The following LIN9 variants were observed in gnomAD, a reference collection of about 807,000 sequenced individuals.
The protein encoded by LIN9 is protein lin-9 homolog.
Under a neutral mutation model 78.0 loss-of-function variants are expected in LIN9, and 18 were observed. The ratio of observed to expected loss-of-function variants is 0.23; its 90% CI spans 0.16 to 0.34. The LOEUF (loss-of-function observed/expected upper bound fraction) is 0.34. Among genes scored for constraint, LIN9 ranks in the 10% least tolerant of loss-of-function variants. The pLI is 1.00. For missense variants in LIN9, 451 were observed against 644.1 expected (o/e 0.70, Z 3.25); for synonymous variants, 192 against 215.2 (o/e 0.89, Z 0.94).
rs906488349 is a variant in LIN9, at chr1:226,308,982, G to A, written c.31+127C>T. On this transcript the variant is annotated intron_variant, in intron 1 of 14. Transcript: ENST00000681046. ...GCAACACCGGAGTGGGAGGACTAGG[G>A]GACCACAGTGGGGCTGGCAGTCAGC... 1.8e-5 allele frequency: 17 copies of A among 919,908 alleles called. No individual in the cohort carries two copies. In the African/African-American group the frequency reaches 2.8e-4, roughly 15 times the overall value. The allele number at this position is 919,908 out of a possible 1,614,324, so 57.0% of individuals were successfully genotyped here.
intron 10 of LIN9, among the ~76,000 whole-genome samples, chr1:226,254,808 G>A (rs552198669): frequency 2.5e-4 from 38 of 151,814 alleles, no homozygotes; most frequent in African/African-American, 8.5e-4. Context: ...CTACTCGGGA[G>A]GCTGAGGCAG....
intron 3 of LIN9, among the ~76,000 whole-genome samples, chr1:226,296,677 G>A (rs1324209894): frequency 2.0e-5 from 3 of 152,074 alleles, no homozygotes; most frequent in Admixed American, 6.6e-5. Context: ...AGGTGCAGGC[G>A]GCTAACAACA....
chr1:226,266,159 A>C, intron 9 of LIN9, 54 bp downstream of exon 9: 1 of 1,287,272 alleles, frequency 7.8e-7, no homozygotes. Flanking sequence ...TTAAGAACAT[A>C]GTTCACCTTC....
intron 2 of LIN9, among the ~76,000 whole-genome samples, chr1:226,299,050 GA>G (rs1382864723): frequency 2.0e-5 from 3 of 152,152 alleles, no homozygotes; most frequent in Non-Finnish European, 2.9e-5. Context: ...TGAAAATAAA[GA>G]GGGGTAAGTT....
At chr1:226,263,100 A>T (rs1659696832) in intron 10 of LIN9, among the ~76,000 whole-genome samples, 1 of 152,244 alleles carries the variant, frequency 6.6e-6, no homozygotes. Flanking sequence ...CTATGGAAAC[A>T]GTAAAAAGAT....
chr1:226,268,142 A>G (rs1660048542), intron 7 of LIN9, 52 bp from the exon 8 acceptor site: 1 of 1,567,882 alleles, frequency 6.4e-7, no homozygotes, highest in African/African-American at 1.3e-5. Flanking sequence ...AAGAATAGTC[A>G]AATATAAAAC....
At chr1:226,268,237 G>T in intron 7 of LIN9, 147 bp from the exon 8 acceptor site, 5 of 628,280 alleles carry the variant, frequency 8.0e-6, no homozygotes, top group Non-Finnish European at 1.2e-5. Flanking sequence ...TTTTGGCTTA[G>T]AGAAACAACA....
chr1:226,296,808 C>T (rs938687434), intron 3 of LIN9, among the ~76,000 whole-genome samples: 5 of 151,902 alleles, frequency 3.3e-5, no homozygotes, highest in African/African-American at 9.7e-5. Flanking sequence ...ATCACTTGAG[C>T]CCAGGAGCTG....
intron 4 of LIN9, among the ~76,000 whole-genome samples, chr1:226,293,878 T>C (rs911932763): frequency 6.6e-6 from 1 of 152,270 alleles, no homozygotes; most frequent in African/African-American, 2.4e-5. Context: ...TGACAACTTT[T>C]TTTTTTGAAG....
At chr1:226,258,258 T>A (rs894182035) in intron 10 of LIN9, among the ~76,000 whole-genome samples, 2 of 151,956 alleles carry the variant, frequency 1.3e-5, no homozygotes, top group Non-Finnish European at 2.9e-5. Context: ...TCCAGCACTT[T>A]GGGAGGCTGA....
chr1:226,257,366 T>C (rs1390469671), intron 10 of LIN9, among the ~76,000 whole-genome samples: 2 of 152,282 alleles, frequency 1.3e-5, no homozygotes, highest in African/African-American at 4.8e-5. Flanking sequence ...TACAAACTTT[T>C]ATTTTCCTTA....
At chr1:226,275,903 C>T (rs1286231168) in intron 7 of LIN9, among the ~76,000 whole-genome samples, 1 of 151,750 alleles carries the variant, frequency 6.6e-6, no homozygotes, top group African/African-American at 2.4e-5. Context: ...TGGCGGGTGC[C>T]GGTAATCCCA....
At chr1:226,252,475 A>C (rs1235600280) in intron 10 of LIN9, among the ~76,000 whole-genome samples, 1 of 152,164 alleles carries the variant, frequency 6.6e-6, no homozygotes, top group Non-Finnish European at 1.5e-5. Flanking sequence ...ATGTTAAATA[A>C]TCCCACAAGG....
chr1:226,293,014 A>G (rs989452208), intron 4 of LIN9, among the ~76,000 whole-genome samples: 2 of 152,230 alleles, frequency 1.3e-5, no homozygotes, highest in African/African-American at 2.4e-5. Flanking sequence ...GACTCAACAC[A>G]TAAGTAATCA....
In LIN9 at chr1:226,239,106, GA is replaced by G. The variant is rs1187673368; in HGVS notation, c.1120-11del. On this transcript the variant is annotated splice_polypyrimidine_tract_variant and intron_variant, in intron 11 of 14. Coordinates refer to ENST00000681046, the MANE Select transcript of LIN9 (RefSeq NM_001366245.2). ...GCATGGAATATGATTTCTGAGAAGA[GA>G]AAAAAATCAGATCTTGGTAAGAGTT... is the stretch of plus-strand genomic sequence containing the variant. 3 of 1,607,464 alleles carry G rather than the reference GA, an allele frequency of 1.9e-6. No homozygotes were observed. The highest frequency in any genetic ancestry group is 2.5e-6 in the Non-Finnish European group (3 of 1,178,408).
intron 4 of LIN9, among the ~76,000 whole-genome samples, chr1:226,289,568 A>C (rs1334169880): frequency 6.6e-6 from 1 of 151,760 alleles, no homozygotes; most frequent in Non-Finnish European, 1.5e-5. Flanking sequence ...TCGCTATGTT[A>C]CCAGGTTGGT....
intron 1 of LIN9, among the ~76,000 whole-genome samples, chr1:226,303,384 CAGA>C (rs898825024): frequency 2.5e-4 from 38 of 152,052 alleles, no homozygotes; most frequent in Admixed American, 1.3e-3. Flanking sequence ...AAAAATAAAG[CAGA>C]AGAAGAAGAA....
At chr1:226,289,844 G>GGGA (rs1553283436) in intron 4 of LIN9, among the ~76,000 whole-genome samples, 1 of 60,672 alleles carries the variant, frequency 1.6e-5, no homozygotes, top group Non-Finnish European at 3.5e-5. Context: ...CGGGGGGGGG[G>GGGA]GTGGGGGGGG....
chr1:226,260,182 T>A (rs181906396), intron 10 of LIN9, among the ~76,000 whole-genome samples: 29 of 152,264 alleles, frequency 1.9e-4, no homozygotes, highest in African/African-American at 6.3e-4. Context: ...CTAAATAAAT[T>A]GAGTCAATAA....
Sources: gnomAD v4.1 joint callset for allele counts (sites outside exome capture counted in the v4.1 genomes callset) on GRCh38, gnomAD v4.1.1 for gene constraint, MANE v1.5 for transcripts, NCBI Gene and HGNC (gene_info 2026-07-23, HGNC 2026-07-21) for gene names.